F13A1: variants seen among roughly 807,000 people sequenced by gnomAD.
The protein encoded by F13A1 is FSF, A subunit.
Under a neutral mutation model 80.1 loss-of-function variants are expected in F13A1, and 47 were observed. The ratio of observed to expected loss-of-function variants is 0.59; its 90% CI spans 0.46 to 0.75. The LOEUF (loss-of-function observed/expected upper bound fraction) is 0.75. Ranked by LOEUF, F13A1 falls within the 30% of genes least tolerant of loss-of-function variation. The pLI, the probability that F13A1 is intolerant of heterozygous loss-of-function variation, is 0.00. For missense variants in F13A1, 817 were observed against 930.4 expected, an observed-to-expected ratio of 0.88 and a Z score of 1.59; for synonymous variants, 349 against 344.9, an observed-to-expected ratio of 1.01 and a Z score of -0.13.
chr6:6,252,575 T>C (rs151212266), intron 4 of F13A1, among the ~76,000 whole-genome samples: 25 of 152,344 alleles, frequency 1.6e-4, no homozygotes, highest in Non-Finnish European at 2.9e-4. Flanking sequence ...TGATAACCAT[T>C]AACTCTGAGA....
chr6:6,174,950 C>T (rs1032392741), intron 11 of F13A1, 83 bp from the exon 12 acceptor site: 7 of 1,518,566 alleles, frequency 4.6e-6, no homozygotes, highest in South Asian at 4.6e-5. Context: ...CCGTGTACTG[C>T]ACTTGTTGGG....
At chr6:6,235,872 G>A (rs1478851312) in intron 6 of F13A1, among the ~76,000 whole-genome samples, 1 of 152,046 alleles carries the variant, frequency 6.6e-6, no homozygotes, top group Non-Finnish European at 1.5e-5. Context: ...ATTTGTAAGA[G>A]GCAAAAACGG....
intron 6 of F13A1, among the ~76,000 whole-genome samples, chr6:6,235,125 G>A (rs529462968): frequency 1.3e-4 from 19 of 151,968 alleles, no homozygotes; most frequent in Non-Finnish European, 2.8e-4. Context: ...TGCACCATAT[G>A]TAAAAATGAA....
rs78717044 is a variant in F13A1, at chr6:6,157,938, A to G, written c.1909-5989T>C. ...GTGTACTGTTCTGTAGCTGTCCTGA[A>G]GAGAGAGATGGAAATGAACACCTTC... On this transcript the variant is annotated intron_variant, in intron 13 of 14. Coordinates refer to ENST00000264870, the MANE Select transcript of F13A1 (RefSeq NM_000129.4). Among the ~76,000 whole-genome samples the G allele has an allele frequency of 6.7e-4, 102 of 152,296 alleles. 1 individual carries two copies. In the East Asian group the frequency reaches 0.019, roughly 28 times the overall value.
At chr6:6,145,874 CAGTT>C (rs1338221626) in intron 14 of F13A1, 102 bp from the exon 15 acceptor site, 1 of 1,512,710 alleles carries the variant, frequency 6.6e-7, no homozygotes, top group Non-Finnish European at 9.1e-7. Context: ...TTCTTTCTCT[CAGTT>C]GGTGCTTAGG....
intron 8 of F13A1, among the ~76,000 whole-genome samples, chr6:6,205,347 C>A (rs754172673): frequency 2.6e-5 from 4 of 152,148 alleles, no homozygotes; most frequent in Non-Finnish European, 5.9e-5. Context: ...TTAATAAGTG[C>A]TCAGACACAG....
At chr6:6,267,314 T>TA (rs965325579) in intron 3 of F13A1, among the ~76,000 whole-genome samples, 1 of 152,228 alleles carries the variant, frequency 6.6e-6, no homozygotes, top group Non-Finnish European at 1.5e-5. Context: ...CATATACTTG[T>TA]AAATCCAGCA....
intron 8 of F13A1, among the ~76,000 whole-genome samples, chr6:6,201,703 TTTTTGTTTTG>T (rs200370923): frequency 6.6e-6 from 1 of 152,094 alleles, no homozygotes; most frequent in Non-Finnish European, 1.5e-5. Context: ...ATTTTCCTGT[TTTTTGTTTTG>T]TTTTGTTTTG....
chr6:6,185,808 C>G (rs1263975844), intron 10 of F13A1, among the ~76,000 whole-genome samples: 6 of 152,248 alleles, frequency 3.9e-5, no homozygotes, highest in Admixed American at 3.9e-4. Context: ...CTGACTTCCA[C>G]AATGGTTGAA....
intron 6 of F13A1, among the ~76,000 whole-genome samples, chr6:6,231,573 A>G (rs1465724839): frequency 6.6e-6 from 1 of 152,226 alleles, no homozygotes; most frequent in Admixed American, 6.5e-5. Context: ...AGAAGCACAA[A>G]CAACACCCAG....
chr6:6,166,232 G>A (rs947807751), intron 13 of F13A1, among the ~76,000 whole-genome samples: 1 of 152,210 alleles, frequency 6.6e-6, no homozygotes, highest in Non-Finnish European at 1.5e-5. Flanking sequence ...ACCTTGTGGG[G>A]TTGTTGGTGG....
Position 6,318,647 on chromosome 6 carries a change from C to CCTGGAAGTTT in F13A1, c.8_17dup (p.Thr7AsnfsTer16), listed in dbSNP as rs751418070. 7 of 1,612,062 alleles carry CCTGGAAGTTT rather than the reference C, an allele frequency of 4.3e-6. No homozygotes were observed. The highest frequency in any genetic ancestry group is 3.4e-6 in the Non-Finnish European group (4 of 1,179,756). ...CTGCTCTTCTGCCTCCAAAGGCGGTCCTGGAAGTTTCTGACATTTTTGACT... is the reference window on the plus strand; with the variant it reads ...CTGCTCTTCTGCCTCCAAAGGCGGTCCTGGAAGTTTCTGGAAGTTTCTGACATTTTTGACT... On this transcript the variant is annotated frameshift_variant, in exon 2 of 15. Coordinates refer to ENST00000264870, the MANE Select transcript of F13A1 (RefSeq NM_000129.4). LOFTEE classifies it high-confidence loss of function.
intron 6 of F13A1, among the ~76,000 whole-genome samples, chr6:6,241,287 A>T (rs1284291663): frequency 6.6e-6 from 1 of 152,210 alleles, no homozygotes; most frequent in African/African-American, 2.4e-5. Flanking sequence ...TTAGTAATGC[A>T]GGTAGGCTGT....
chr6:6,318,690 A>G lies in F13A1; in HGVS notation c.-18-8T>C. 1 of 1,532,198 alleles carries G rather than the reference A, an allele frequency of 6.5e-7. No individual in the cohort carries two copies. Among genetic ancestry groups the G allele is most frequent in the Non-Finnish European group, 8.9e-7 (1 of 1,121,700 alleles). The allele number at this position is 1,532,198 out of a possible 1,614,324, so 94.9% of individuals were successfully genotyped here. A position where few individuals can be genotyped will look rare whatever the true frequency, so the allele number is the denominator to read the frequency against. On this transcript the variant is annotated splice_polypyrimidine_tract_variant and splice_region_variant and intron_variant, in intron 1 of 14. Transcript: ENST00000264870. ...TTTTGACTTTACAAGGTCCTTCAGA[A>G]AAAAAAAAAAAAGAAGACAACAGAA... is the stretch of plus-strand genomic sequence containing the variant.
intron 10 of F13A1, among the ~76,000 whole-genome samples, chr6:6,190,838 C>T (rs1329518103): frequency 1.1e-4 from 17 of 152,074 alleles, no homozygotes; most frequent in African/African-American, 4.1e-4. Flanking sequence ...TGCCGCCTTG[C>T]AGTTTGATCT....
intron 10 of F13A1, among the ~76,000 whole-genome samples, chr6:6,184,738 T>C (rs1056395336): frequency 6.6e-6 from 1 of 152,158 alleles, no homozygotes. Flanking sequence ...AGTGGCTGAT[T>C]CCTGCCCCCC....
intron 9 of F13A1, among the ~76,000 whole-genome samples, chr6:6,196,297 G>T (rs1469779899): frequency 6.6e-6 from 1 of 152,222 alleles, no homozygotes; most frequent in Non-Finnish European, 1.5e-5. Context: ...ATGAACATAT[G>T]TCAAGTTTAA....
intron 13 of F13A1, among the ~76,000 whole-genome samples, chr6:6,156,480 T>TA (rs1295203456): frequency 1.3e-5 from 2 of 152,238 alleles, no homozygotes; most frequent in African/African-American, 4.8e-5. Context: ...CAATTTGAAA[T>TA]ACATGATTTA....
chr6:6,153,553 A>G (rs949166320), intron 13 of F13A1, among the ~76,000 whole-genome samples: 6 of 152,238 alleles, frequency 3.9e-5, no homozygotes, highest in Non-Finnish European at 5.9e-5. Context: ...ACTTTGTTAC[A>G]TTTAAATCCG....
Sources: allele counts gnomAD v4.1 joint callset (sites outside exome capture counted in the v4.1 genomes callset), GRCh38; gene constraint gnomAD v4.1.1; transcripts MANE v1.5; gene names NCBI Gene and HGNC (gene_info 2026-07-23, HGNC 2026-07-21).